SGK3: variants seen among roughly 807,000 people sequenced by gnomAD.
The protein encoded by SGK3 is serine/threonine-protein kinase Sgk3.
Under a neutral mutation model 68.5 loss-of-function variants are expected in SGK3, and 47 were observed. The observed-to-expected ratio is 0.69, with a 90% CI of 0.54 to 0.87. SGK3 has a LOEUF of 0.87. Among genes scored for constraint, SGK3 ranks in the 40% least tolerant of loss-of-function variants. The pLI is 0.00. For synonymous variants in SGK3, 181 were observed against 189.1 expected (o/e 0.96, Z 0.35); for missense variants, 479 against 575.5 (o/e 0.83, Z 1.72).
intron 5 of SGK3, among the ~76,000 whole-genome samples, chr8:66,816,756 G>A (rs572577158): frequency 4.6e-5 from 7 of 152,312 alleles, no homozygotes; most frequent in African/African-American, 1.4e-4. Flanking sequence ...AGGGCAAGAA[G>A]AGAAGCCAGT....
chr8:66,839,004 A>G (rs1354249694), intron 10 of SGK3, among the ~76,000 whole-genome samples: 1 of 152,194 alleles, frequency 6.6e-6, no homozygotes. Flanking sequence ...ATTGTTGGCT[A>G]ATGTCCACAT....
At chr8:66,790,129 T>A (rs575803354) in intron 1 of SGK3, among the ~76,000 whole-genome samples, 1 of 152,212 alleles carries the variant, frequency 6.6e-6, no homozygotes, top group South Asian at 2.1e-4. Flanking sequence ...TTCCTTGATC[T>A]AAGATCCTTT....
At chr8:66,856,284 G>T (rs1490193328) in intron 16 of SGK3, among the ~76,000 whole-genome samples, 1 of 152,002 alleles carries the variant, frequency 6.6e-6, no homozygotes, top group East Asian at 1.9e-4. Context: ...AACCAGGATG[G>T]TCTCGACCTC....
intron 1 of SGK3, among the ~76,000 whole-genome samples, chr8:66,741,457 T>C (rs996691797): frequency 5.3e-5 from 8 of 151,808 alleles, no homozygotes; most frequent in Non-Finnish European, 1.2e-4. Context: ...CTCTGAGGCA[T>C]GAGAATTGCT....
chr8:66,824,096 T>G (rs1303390963), intron 6 of SGK3, among the ~76,000 whole-genome samples: 1 of 152,170 alleles, frequency 6.6e-6, no homozygotes, highest in African/African-American at 2.4e-5. Flanking sequence ...TGGAAAGTAG[T>G]AATTTTCCTT....
intron 15 of SGK3, among the ~76,000 whole-genome samples, chr8:66,849,059 T>C (rs1320836722): frequency 6.6e-6 from 1 of 152,212 alleles, no homozygotes; most frequent in African/African-American, 2.4e-5. Flanking sequence ...GTAAGCTCCT[T>C]TTCAAACTTC....
At chr8:66,829,431 A>G (rs564115085) in intron 7 of SGK3, among the ~76,000 whole-genome samples, 3 of 152,334 alleles carry the variant, frequency 2.0e-5, no homozygotes, top group African/African-American at 7.2e-5. Flanking sequence ...ACACTTCAAC[A>G]TTATGAGATC....
chr8:66,841,128 T>C lies in SGK3; in HGVS notation c.978+18T>C, dbSNP rs1357205394. The C allele has an allele frequency of 1.3e-6, 2 of 1,543,176 alleles. No individual in the cohort carries two copies. The highest frequency in any genetic ancestry group is 4.0e-5 in the Admixed American group (2 of 49,436). On this transcript the variant is annotated intron_variant, in intron 13 of 16. Coordinates refer to ENST00000521198, the MANE Select transcript of SGK3 (RefSeq NM_001033578.3). ...CACCAGAGGTAAGAAATATATCTCA[T>C]TGTCATTTATATAATCATGTATAAA...
chr8:66,833,897 G>A (rs1809402602), intron 8 of SGK3, among the ~76,000 whole-genome samples: 1 of 151,676 alleles, frequency 6.6e-6, no homozygotes, highest in Admixed American at 6.6e-5. Context: ...TTCCATGTTG[G>A]TCAGGCTGGT....
At chr8:66,822,210 A>T (rs1255745977) in intron 5 of SGK3, among the ~76,000 whole-genome samples, 162 bp from the exon 6 acceptor site, 2 of 152,112 alleles carry the variant, frequency 1.3e-5, no homozygotes, top group Non-Finnish European at 2.9e-5. Flanking sequence ...AAAAAAAATT[A>T]ATTTGCGTAT....
At chr8:66,752,598 G>A (rs1260817511) in intron 1 of SGK3, among the ~76,000 whole-genome samples, 1 of 151,964 alleles carries the variant, frequency 6.6e-6, no homozygotes, top group Non-Finnish European at 1.5e-5. Context: ...AAAACTGGGG[G>A]GGTGGGGGAG....
At chr8:66,724,067 A>T (rs1481491896) in intron 1 of SGK3, among the ~76,000 whole-genome samples, 4 of 152,196 alleles carry the variant, frequency 2.6e-5, no homozygotes, top group Non-Finnish European at 2.9e-5. Context: ...GCTAACATTA[A>T]CATAATTTAT....
chr8:66,812,050 G>A (rs1585752529), intron 4 of SGK3, among the ~76,000 whole-genome samples: 1 of 152,134 alleles, frequency 6.6e-6, no homozygotes, highest in Non-Finnish European at 1.5e-5. Flanking sequence ...ATATTTGTAT[G>A]AAGCCATACC....
At chr8:66,820,262 C>T (rs1260001529) in intron 5 of SGK3, among the ~76,000 whole-genome samples, 1 of 152,200 alleles carries the variant, frequency 6.6e-6, no homozygotes, top group Non-Finnish European at 1.5e-5. Context: ...CACTATTCTA[C>T]TTTCTGTCTG....
rs775280049 is a variant in SGK3, at chr8:66,767,789, T to G, written c.-121-25827T>G. On this transcript the variant is annotated intron_variant, in intron 1 of 16. Coordinates refer to ENST00000521198, the MANE Select transcript of SGK3 (RefSeq NM_001033578.3). ...AGGGGTCCATTGGTCTTTACTGACT[T>G]TTCTGTAGCTCTGTTGACAGTTCCC... 5 of 1,573,172 alleles carry G rather than the reference T, an allele frequency of 3.2e-6. No individual in the cohort carries two copies. In the East Asian group the frequency reaches 1.1e-4, roughly 35 times the overall value.
intron 1 of SGK3, among the ~76,000 whole-genome samples, chr8:66,721,006 C>T (rs780756277): frequency 2.0e-5 from 3 of 152,054 alleles, no homozygotes; most frequent in Non-Finnish European, 4.4e-5. Context: ...TTGAAATACT[C>T]GTCTAATAAT....
intron 3 of SGK3, among the ~76,000 whole-genome samples, chr8:66,802,626 T>C (rs547061720): frequency 6.7e-6 from 1 of 149,302 alleles, no homozygotes; most frequent in Non-Finnish European, 1.5e-5. Context: ...AGGTCAGCAC[T>C]GCATTCCAGC....
In SGK3 at chr8:66,791,528, T is replaced by A. The variant is rs564170359; in HGVS notation, c.-121-2088T>A. Among the ~76,000 whole-genome samples the A allele has an allele frequency of 3.9e-5, 6 of 152,356 alleles. No homozygotes were observed. In the South Asian group the frequency reaches 1.2e-3, roughly 32 times the overall value. ...GTACCTTACAGGAGACAAGTTGTCC[T>A]GCCTACCATCTCTTTCCTTCTCCTT... On this transcript the variant is annotated intron_variant, in intron 1 of 16. Coordinates refer to ENST00000521198, the MANE Select transcript of SGK3 (RefSeq NM_001033578.3).
At chr8:66,771,279 A>T (rs1806502832) in intron 1 of SGK3, among the ~76,000 whole-genome samples, 1 of 152,242 alleles carries the variant, frequency 6.6e-6, no homozygotes, top group South Asian at 2.1e-4. Flanking sequence ...TCTCTAGAAC[A>T]TTATAAAGGT....
Sources: allele counts gnomAD v4.1 joint callset (sites outside exome capture counted in the v4.1 genomes callset), GRCh38; gene constraint gnomAD v4.1.1; transcripts MANE v1.5; gene names NCBI Gene and HGNC (gene_info 2026-07-23, HGNC 2026-07-21).